Variants in IGF2BP3 observed in about 807,000 individuals in gnomAD.
IGF2BP3 encodes the protein insulin like growth factor 2 mRNA binding protein 3.
Under a neutral mutation model 73.8 loss-of-function variants are expected in IGF2BP3, and 9 were observed. The ratio of observed to expected loss-of-function variants is 0.12; its 90% CI spans 0.07 to 0.21. IGF2BP3 has a LOEUF of 0.21. Among genes scored for constraint, IGF2BP3 ranks in the 10% least tolerant of loss-of-function variants. The pLI, the probability that IGF2BP3 is intolerant of heterozygous loss-of-function variation, is 1.00. For missense variants in IGF2BP3, 542 were observed against 714.0 expected (o/e 0.76, Z 2.75); for synonymous variants, 258 against 256.7 (o/e 1.01, Z -0.05).
At chr7:23,426,142 C>G (rs1226138528) in intron 2 of IGF2BP3, among the ~76,000 whole-genome samples, 3 of 151,764 alleles carry the variant, frequency 2.0e-5, no homozygotes, top group Non-Finnish European at 4.4e-5. Context: ...GCCTGGCCAA[C>G]ATCGTGAAAA....
chr7:23,430,552 A>G (rs1787648805), intron 2 of IGF2BP3, among the ~76,000 whole-genome samples: 1 of 152,244 alleles, frequency 6.6e-6, no homozygotes. Flanking sequence ...ACCTATGTCC[A>G]AAGAGGACTT....
chr7:23,334,779 G>A (rs1784529996), intron 10 of IGF2BP3, among the ~76,000 whole-genome samples: 1 of 152,150 alleles, frequency 6.6e-6, no homozygotes, highest in Admixed American at 6.5e-5. Flanking sequence ...GTCTGCCAAT[G>A]AGTAATTCCT....
At chr7:23,429,051 T>C (rs1433378605) in intron 2 of IGF2BP3, among the ~76,000 whole-genome samples, 1 of 152,164 alleles carries the variant, frequency 6.6e-6, no homozygotes, top group Non-Finnish European at 1.5e-5. Context: ...TAATCAGCCT[T>C]ATCAGCATGG....
intron 2 of IGF2BP3, among the ~76,000 whole-genome samples, chr7:23,425,389 A>AT (rs1307315143): frequency 6.6e-6 from 1 of 152,114 alleles, no homozygotes; most frequent in Non-Finnish European, 1.5e-5. Context: ...ATAATAATGT[A>AT]TTTTTTCTAA....
chr7:23,451,716 A>T (rs1323839869), intron 2 of IGF2BP3, among the ~76,000 whole-genome samples: 1 of 152,076 alleles, frequency 6.6e-6, no homozygotes, highest in East Asian at 1.9e-4. Context: ...TGGGAGGCCG[A>T]GGCAAGCAGA....
At chr7:23,321,204 A>T (rs1784135641) in intron 10 of IGF2BP3, among the ~76,000 whole-genome samples, 1 of 152,184 alleles carries the variant, frequency 6.6e-6, no homozygotes, top group Non-Finnish European at 1.5e-5. Flanking sequence ...GGCGCAGGTC[A>T]GTGGGTGCAT....
At chr7:23,337,374 T>C (rs1461564629) in intron 10 of IGF2BP3, among the ~76,000 whole-genome samples, 1 of 152,228 alleles carries the variant, frequency 6.6e-6, no homozygotes, top group African/African-American at 2.4e-5. Flanking sequence ...GAATATGGAA[T>C]TTTCTCCTCC....
intron 5 of IGF2BP3, among the ~76,000 whole-genome samples, chr7:23,359,156 C>T (rs1462060762): frequency 6.6e-6 from 1 of 152,218 alleles, no homozygotes; most frequent in Admixed American, 6.5e-5. Context: ...TTTGAGAACA[C>T]CAGTGTGTCT....
chr7:23,454,474 C>T (rs145233746), intron 2 of IGF2BP3, among the ~76,000 whole-genome samples: 1 of 152,200 alleles, frequency 6.6e-6, no homozygotes, highest in Non-Finnish European at 1.5e-5. Flanking sequence ...CCATTTTCCA[C>T]TACCACATGG....
chr7:23,418,351 C>T (rs1015666133), intron 3 of IGF2BP3, among the ~76,000 whole-genome samples: 3 of 152,176 alleles, frequency 2.0e-5, no homozygotes, highest in African/African-American at 7.2e-5. Flanking sequence ...ATTACACAAT[C>T]AGTGCAGTGC....
At chr7:23,356,395 A>C (rs1785097380) in intron 5 of IGF2BP3, among the ~76,000 whole-genome samples, 1 of 144,962 alleles carries the variant, frequency 6.9e-6, no homozygotes, top group African/African-American at 2.5e-5. Context: ...CTGCCTCTAC[A>C]AAAAAAAAAA....
At chr7:23,315,540 C>A (rs1035271224) in intron 12 of IGF2BP3, among the ~76,000 whole-genome samples, 4 of 152,170 alleles carry the variant, frequency 2.6e-5, no homozygotes, top group Non-Finnish European at 4.4e-5. Context: ...GTTTGACAAG[C>A]TGCCAGGGTA....
intron 3 of IGF2BP3, among the ~76,000 whole-genome samples, chr7:23,373,717 A>G (rs1295486905): frequency 6.6e-6 from 1 of 152,166 alleles, no homozygotes; most frequent in African/African-American, 2.4e-5. Context: ...TGGTTTGAAC[A>G]TTGTGTCTTC....
At chr7:23,423,834 T>A (rs1787421078) in intron 2 of IGF2BP3, among the ~76,000 whole-genome samples, 1 of 152,068 alleles carries the variant, frequency 6.6e-6, no homozygotes, top group Non-Finnish European at 1.5e-5. Context: ...ATTTTAAAAA[T>A]TCAGGCCAGG....
chr7:23,375,837 T>TG (rs771720352), intron 3 of IGF2BP3, among the ~76,000 whole-genome samples: 5 of 152,198 alleles, frequency 3.3e-5, no homozygotes, highest in Non-Finnish European at 5.9e-5. Context: ...AAGTCAATAA[T>TG]GATAGGAATG....
rs530423341 is a variant in IGF2BP3, at chr7:23,311,570, T to C, written c.*792A>G. ...GGCACTGCTCCGTATTTTTGAACAT[T>C]TGATTTAACTAATAACTGTGTCAAA... On this transcript the variant is annotated 3_prime_UTR_variant, in exon 15 of 15. Transcript: ENST00000258729. 1.2e-3 allele frequency: 180 copies of C among 152,456 alleles called. 1 individual carries two copies. Among genetic ancestry groups the C allele is most frequent in the African/African-American group, 4.1e-3 (170 of 41,574 alleles). 9.4% of individuals were successfully genotyped at this position (152,456 alleles called of 1,614,324 possible).
intron 3 of IGF2BP3, among the ~76,000 whole-genome samples, chr7:23,384,812 G>T (rs1233508647): frequency 6.6e-6 from 1 of 152,158 alleles, no homozygotes; most frequent in African/African-American, 2.4e-5. Flanking sequence ...GATCACTTGA[G>T]CCTCAGAGGC....
intron 10 of IGF2BP3, among the ~76,000 whole-genome samples, chr7:23,337,027 T>C (rs946881036): frequency 6.6e-6 from 1 of 151,146 alleles, no homozygotes; most frequent in African/African-American, 2.4e-5. Context: ...TTAAAAACAA[T>C]AGTTTATTTG....
chr7:23,353,603 T>G (rs1241917778), intron 5 of IGF2BP3, among the ~76,000 whole-genome samples: 1 of 152,236 alleles, frequency 6.6e-6, no homozygotes, highest in African/African-American at 2.4e-5. Context: ...TACAAACACA[T>G]GTATTCATAT....
Sources: allele counts gnomAD v4.1 joint callset (sites outside exome capture counted in the v4.1 genomes callset), GRCh38; gene constraint gnomAD v4.1.1; transcripts MANE v1.5; gene names NCBI Gene and HGNC (gene_info 2026-07-23, HGNC 2026-07-21).